Variants in CCDC7 observed in about 807,000 individuals in gnomAD.
CCDC7 encodes coiled-coil domain containing 7, also known as coiled-coil domain-containing protein 7.
In CCDC7, 183 loss-of-function variants were observed where a neutral mutation model predicts 196.9. The observed-to-expected ratio is 0.93, with a 90% CI of 0.82 to 1.05. The LOEUF (loss-of-function observed/expected upper bound fraction) is 1.05. Among genes scored for constraint, CCDC7 ranks in the 50% least tolerant of loss-of-function variants. The probability of loss-of-function intolerance (pLI) is 0.00; values close to 1 mark genes in which losing one functional copy is unlikely to be tolerated. For synonymous variants in CCDC7, 525 were observed against 484.6 expected, an observed-to-expected ratio of 1.08 and a Z score of -1.10; for missense variants, 1,540 against 1,482.2, an observed-to-expected ratio of 1.04 and a Z score of -0.64.
intron 11 of CCDC7, among the ~76,000 whole-genome samples, chr10:32,542,236 A>G (rs1401304034): frequency 6.6e-6 from 1 of 152,234 alleles, no homozygotes. Context: ...TTCTGCTATA[A>G]TATTTGTTTT....
chr10:32,512,682 C>T (rs937789972), intron 9 of CCDC7: 1 of 151,980 alleles, frequency 6.6e-6, no homozygotes, highest in Non-Finnish European at 1.5e-5. Context: ...ACAAGGTAAG[C>T]AGTAGACTGG....
intron 11 of CCDC7, among the ~76,000 whole-genome samples, chr10:32,533,753 T>C (rs1040444534): frequency 3.3e-5 from 5 of 152,152 alleles, no homozygotes; most frequent in African/African-American, 1.2e-4. Context: ...TTATTTTCAT[T>C]GAAAAGTCTG....
chr10:32,572,765 A>G (rs1404096475), intron 16 of CCDC7, among the ~76,000 whole-genome samples: 1 of 151,834 alleles, frequency 6.6e-6, no homozygotes, highest in African/African-American at 2.4e-5. Context: ...TATTATAAAC[A>G]TTTGAGAATG....
intron 8 of CCDC7, among the ~76,000 whole-genome samples, chr10:32,486,294 G>C (rs1311125993): frequency 6.6e-6 from 1 of 151,590 alleles, no homozygotes; most frequent in South Asian, 2.1e-4. Context: ...TTTAAAGTCT[G>C]TTTTATCAGA....
At chr10:32,756,569 A>C (rs2076485578) in intron 28 of CCDC7, among the ~76,000 whole-genome samples, 1 of 152,202 alleles carries the variant, frequency 6.6e-6, no homozygotes, top group Admixed American at 6.5e-5. Flanking sequence ...TTTTGTCACC[A>C]CCAGGCCTGC....
chr10:32,834,219 A>G (rs1052065402), intron 32 of CCDC7, among the ~76,000 whole-genome samples: 2 of 152,100 alleles, frequency 1.3e-5, no homozygotes, highest in Admixed American at 6.6e-5. Context: ...CCAGTCCACA[A>G]TAATCACTGC....
chr10:32,641,900 A>T (rs1383825465), intron 20 of CCDC7, among the ~76,000 whole-genome samples: 2 of 152,020 alleles, frequency 1.3e-5, no homozygotes, highest in Non-Finnish European at 2.9e-5. Context: ...GGTCTGTTGG[A>T]GTTTGCTGGA....
chr10:32,685,011 A>T (rs193232617), intron 21 of CCDC7, among the ~76,000 whole-genome samples: 10 of 152,162 alleles, frequency 6.6e-5, no homozygotes, highest in Non-Finnish European at 1.2e-4. Flanking sequence ...AAAGTAAAAA[A>T]TATGCGAGGT....
chr10:32,701,830 G>A (rs1422330166), intron 24 of CCDC7, among the ~76,000 whole-genome samples: 2 of 152,188 alleles, frequency 1.3e-5, no homozygotes, highest in African/African-American at 2.4e-5. Context: ...ATTCTCTGAT[G>A]GTAGTTTGTA....
intron 20 of CCDC7, 99 bp downstream of exon 21, chr10:32,635,257 T>C (rs1396180414): frequency 2.6e-6 from 1 of 387,864 alleles, no homozygotes; most frequent in Non-Finnish European, 4.5e-6. Context: ...TTTGTAATTA[T>C]TTTGTGTATA....
At chr10:32,808,823 G>GA (rs35713080) in intron 30 of CCDC7, among the ~76,000 whole-genome samples, 62 of 149,274 alleles carry the variant, frequency 4.2e-4, no homozygotes, top group Non-Finnish European at 3.9e-4. Flanking sequence ...TGTTATAGCT[G>GA]AAAAAAAAAA....
At chr10:32,678,217 C>T (rs1565102549) in intron 21 of CCDC7, among the ~76,000 whole-genome samples, 1 of 151,948 alleles carries the variant, frequency 6.6e-6, no homozygotes, top group Non-Finnish European at 1.5e-5. Context: ...GGTCATAGAT[C>T]TGCATTTTTA....
At chr10:32,480,767 A>G (rs1437292002) in intron 8 of CCDC7, among the ~76,000 whole-genome samples, 3 of 152,198 alleles carry the variant, frequency 2.0e-5, no homozygotes, top group African/African-American at 7.2e-5. Flanking sequence ...CTGGCCTAAC[A>G]CAAGATCTGT....
intron 13 of CCDC7, among the ~76,000 whole-genome samples, chr10:32,554,246 C>A (rs1308202242): frequency 1.3e-5 from 2 of 152,230 alleles, no homozygotes; most frequent in Non-Finnish European, 2.9e-5. Flanking sequence ...TACCCGCCTT[C>A]ACAGCTGCGA....
chr10:32,639,247 G>T (rs989348985), intron 20 of CCDC7, among the ~76,000 whole-genome samples: 1 of 152,056 alleles, frequency 6.6e-6, no homozygotes, highest in Non-Finnish European at 1.5e-5. Flanking sequence ...GTTCTGCTCT[G>T]ATCTTAGTTA....
At chr10:32,569,120 AAT>A (rs1174630267) in intron 15 of CCDC7, among the ~76,000 whole-genome samples, 8 of 152,216 alleles carry the variant, frequency 5.3e-5, no homozygotes, top group Non-Finnish European at 8.8e-5. Flanking sequence ...TATATACATC[AAT>A]ACACACCTGT....
intron 9 of CCDC7, among the ~76,000 whole-genome samples, chr10:32,505,687 C>T (rs59450862): frequency 0.052 from 7,950 of 152,162 alleles, 685 homozygotes; most frequent in African/African-American, 0.18. Context: ...TCTCGATGGT[C>T]GCTGTCTCTT....
chr10:32,488,513 C>T (rs189941597), intron 8 of CCDC7, among the ~76,000 whole-genome samples: 4 of 152,266 alleles, frequency 2.6e-5, no homozygotes, highest in Admixed American at 2.6e-4. Flanking sequence ...TTCCGACACT[C>T]CCCAGTGAGA....
At chr10:32,491,891 C>A (rs758668037) in intron 8 of CCDC7, 31 bp from the exon 10 acceptor site, 2 of 1,528,336 alleles carry the variant, frequency 1.3e-6, no homozygotes, top group African/African-American at 1.4e-5. Context: ...ATTTATAAAA[C>A]CTTTAACATT....
Sources: gnomAD v4.1 joint callset for allele counts (sites outside exome capture counted in the v4.1 genomes callset) on GRCh38, gnomAD v4.1.1 for gene constraint, MANE v1.5 for transcripts, NCBI Gene and HGNC (gene_info 2026-07-23, HGNC 2026-07-21) for gene names.